The following ODAD2 variants were observed in gnomAD, a reference collection of about 807,000 sequenced individuals.
The protein encoded by ODAD2 is outer dynein arm-docking complex subunit 2.
Under a neutral mutation model 106.8 loss-of-function variants are expected in ODAD2, and 89 were observed. The observed-to-expected ratio is 0.83, with a 90% confidence interval of 0.70 to 0.99. ODAD2 has a LOEUF of 0.99. ODAD2 is among the 50% of genes least tolerant of loss of function. ODAD2 has a pLI of 0.00. For synonymous variants in ODAD2, 404 were observed against 436.2 expected, an observed-to-expected ratio of 0.93 and a Z score of 0.92; for missense variants, 1,168 against 1,238.5, an observed-to-expected ratio of 0.94 and a Z score of 0.85.
intron 7 of ODAD2, among the ~76,000 whole-genome samples, chr10:27,977,702 C>T (rs1265912105): frequency 1.3e-5 from 2 of 151,948 alleles, no homozygotes; most frequent in Non-Finnish European, 2.9e-5. Flanking sequence ...CAATAAAAAA[C>T]TGAATAGCCC....
rs1188965657 is a variant in ODAD2 at position 27,862,459 on chromosome 10, G to T, written c.2774C>A (p.Pro925His). The change falls in exon 18 of 20, where the codon CCT becomes CAT. Residue 925 changes from proline (P) to histidine (H), a missense_variant. Physicochemically the swap from Pro to His is moderately conservative, Grantham distance 77. Transcript: ENST00000305242. The part of the protein sequence containing the change: ...LAVITDHGVV[P>H]LLSKLANTNN... ...TGTATTTGCCAGTTTGGACAATAAAGGAACAACTCCATGATCTGTGATAAC... is the reference window on the plus strand; with the variant it reads ...TGTATTTGCCAGTTTGGACAATAAATGAACAACTCCATGATCTGTGATAAC... 5.0e-6 allele frequency: 8 copies of T among 1,609,132 alleles called. No individual in the cohort carries two copies. The highest frequency in any genetic ancestry group is 6.8e-6 in the Non-Finnish European group (8 of 1,178,146).
At chr10:27,869,546 T>C (rs1435666281) in intron 17 of ODAD2, among the ~76,000 whole-genome samples, 4 of 151,352 alleles carry the variant, frequency 2.6e-5, no homozygotes, top group Non-Finnish European at 5.9e-5. Context: ...TTTTCTTTTT[T>C]TTTTTTGAGA....
At chr10:27,989,034 C>T (rs1850060535) in intron 2 of ODAD2, among the ~76,000 whole-genome samples, 1 of 152,086 alleles carries the variant, frequency 6.6e-6, no homozygotes, top group South Asian at 2.1e-4. Flanking sequence ...AGTCATGAGT[C>T]AAGGAACATA....
At chr10:27,970,468 G>C (rs1588634744) in intron 8 of ODAD2, among the ~76,000 whole-genome samples, 1 of 152,214 alleles carries the variant, frequency 6.6e-6, no homozygotes, top group East Asian at 1.9e-4. Context: ...ACTGCTCCAA[G>C]TGTTTTATCA....
intron 18 of ODAD2, among the ~76,000 whole-genome samples, chr10:27,861,195 T>C (rs1840018308): frequency 6.6e-6 from 1 of 152,210 alleles, no homozygotes; most frequent in Non-Finnish European, 1.5e-5. Flanking sequence ...TTTCACCATG[T>C]TGGCCAGGCT....
At chr10:27,837,951 A>T (rs1182151608) in intron 19 of ODAD2, among the ~76,000 whole-genome samples, 1 of 152,196 alleles carries the variant, frequency 6.6e-6, no homozygotes, top group Non-Finnish European at 1.5e-5. Flanking sequence ...ACATTTCAGT[A>T]AGTGACATCT....
chr10:27,926,750 GT>G, intron 16 of ODAD2, among the ~76,000 whole-genome samples: 1 of 152,172 alleles, frequency 6.6e-6, no homozygotes, highest in South Asian at 2.1e-4. Flanking sequence ...TATTTCTGAA[GT>G]TTTTAACTTA....
chr10:27,942,574 C>G (rs1265230298), intron 12 of ODAD2, among the ~76,000 whole-genome samples: 1 of 152,184 alleles, frequency 6.6e-6, no homozygotes, highest in Non-Finnish European at 1.5e-5. Context: ...TTTTATGTTA[C>G]ATTATCCATT....
At chr10:27,820,574 AC>A (rs1836522251) in intron 19 of ODAD2, among the ~76,000 whole-genome samples, 1 of 151,934 alleles carries the variant, frequency 6.6e-6, no homozygotes, top group Admixed American at 6.6e-5. Flanking sequence ...CTAAGCAGGT[AC>A]CCTTTTTATG....
intron 16 of ODAD2, among the ~76,000 whole-genome samples, chr10:27,914,636 C>T (rs576847726): frequency 3.3e-5 from 5 of 151,776 alleles, no homozygotes; most frequent in African/African-American, 1.2e-4. Flanking sequence ...CCTCTGTAGG[C>T]AAAGGAGAAA....
chr10:27,873,658 G>C, intron 17 of ODAD2, among the ~76,000 whole-genome samples: 1 of 152,138 alleles, frequency 6.6e-6, no homozygotes, highest in Non-Finnish European at 1.5e-5. Context: ...CCATGTAGTT[G>C]AGTGGTTTTG....
chr10:27,932,373 A>T (rs1845676938), intron 16 of ODAD2, among the ~76,000 whole-genome samples: 1 of 152,206 alleles, frequency 6.6e-6, no homozygotes, highest in Non-Finnish European at 1.5e-5. Context: ...GTTTCTACTG[A>T]CTGCGTATTT....
chr10:27,971,003 T>TAAAC (rs777147493), intron 8 of ODAD2, 105 bp downstream of exon 8: 13 of 430,774 alleles, frequency 3.0e-5, no homozygotes, highest in Non-Finnish European at 4.3e-5. Context: ...AATAAATAAA[T>TAAAC]AAATAAACAA....
chr10:27,817,204 A>G (rs16928310), intron 19 of ODAD2, among the ~76,000 whole-genome samples: 2,579 of 152,308 alleles, frequency 0.017, 79 homozygotes, highest in African/African-American at 0.059. Flanking sequence ...TTATCCTAAC[A>G]CATGGCTTAC....
At position 27,910,799 on chromosome 10, in the gene ODAD2, G is replaced by T. The variant is rs180726546; in HGVS notation, c.2496-3022C>A. Among the ~76,000 whole-genome samples the T allele has an allele frequency of 9.8e-4, 149 of 151,992 alleles. 1 individual carries two copies. In the Middle Eastern group the frequency reaches 0.037, roughly 38 times the overall value. ...ACAAACAAACAAAAAAACAGATACAGTCAATTCTCATCAGGGGAAGTTATG... is the reference window on the plus strand; with the variant it reads ...ACAAACAAACAAAAAAACAGATACATTCAATTCTCATCAGGGGAAGTTATG... On this transcript the variant is annotated intron_variant, in intron 16 of 19. Transcript: ENST00000305242.
At chr10:27,931,570 G>T (rs1224736294) in intron 16 of ODAD2, among the ~76,000 whole-genome samples, 1 of 150,960 alleles carries the variant, frequency 6.6e-6, no homozygotes, top group African/African-American at 2.4e-5. Flanking sequence ...TTCAAAACTT[G>T]ATAGGTTCTT....
At chr10:27,984,361 A>C in intron 4 of ODAD2, 71 bp from the exon 5 acceptor site, 9 of 1,011,976 alleles carry the variant, frequency 8.9e-6, no homozygotes, top group African/African-American at 1.6e-5. Flanking sequence ...AACACATTTC[A>C]TTGTATCAGG....
intron 19 of ODAD2, among the ~76,000 whole-genome samples, chr10:27,817,519 G>A (rs533288456): frequency 6.6e-6 from 1 of 151,936 alleles, no homozygotes; most frequent in Non-Finnish European, 1.5e-5. Context: ...CATCTTTTGG[G>A]GTCTCCAATG....
intron 10 of ODAD2, among the ~76,000 whole-genome samples, chr10:27,958,442 T>A (rs550634225): frequency 1.3e-5 from 2 of 152,312 alleles, no homozygotes; most frequent in South Asian, 4.1e-4. Context: ...CCTGCCCCAT[T>A]AAATCCTAAG....
Sources: allele counts gnomAD v4.1 joint callset (sites outside exome capture counted in the v4.1 genomes callset), GRCh38; gene constraint gnomAD v4.1.1; transcripts MANE v1.5; gene names NCBI Gene and HGNC (gene_info 2026-07-23, HGNC 2026-07-21).